KCNH1: variants seen among roughly 807,000 people sequenced by gnomAD.
KCNH1 encodes the protein voltage-gated delayed rectifier potassium channel KCNH1.
In KCNH1, 27 loss-of-function variants were observed where a neutral mutation model predicts 69.2. The ratio of observed to expected loss-of-function variants is 0.39; its 90% CI spans 0.29 to 0.54. KCNH1 has a LOEUF of 0.54. Ranked by LOEUF, KCNH1 falls within the 20% of genes least tolerant of loss-of-function variation. The probability of loss-of-function intolerance (pLI) is 0.68; values close to 1 mark genes in which losing one functional copy is unlikely to be tolerated. For synonymous variants in KCNH1, 456 were observed against 487.7 expected (o/e 0.93, Z 0.86); for missense variants, 798 against 1,261.6 (o/e 0.63, Z 5.57).
At chr1:210,782,083 G>T (rs538916461) in intron 9 of KCNH1, among the ~76,000 whole-genome samples, 197 of 152,294 alleles carry the variant, frequency 1.3e-3, no homozygotes, top group African/African-American at 4.5e-3. Context: ...CCCTTGAGCA[G>T]AGTAGCTCCC....
intron 9 of KCNH1, among the ~76,000 whole-genome samples, chr1:210,789,918 T>C (rs937580982): frequency 1.3e-5 from 2 of 152,236 alleles, no homozygotes; most frequent in African/African-American, 4.8e-5. Context: ...TTTCTCTTTT[T>C]AGAGACAGGG....
intron 7 of KCNH1, among the ~76,000 whole-genome samples, chr1:210,908,286 T>G (rs1287668251): frequency 1.3e-5 from 2 of 152,224 alleles, no homozygotes; most frequent in Non-Finnish European, 2.9e-5. Flanking sequence ...GAAGCAAAGA[T>G]GGAAGGCTTA....
At chr1:210,838,772 C>T (rs557927960) in intron 7 of KCNH1, among the ~76,000 whole-genome samples, 2 of 152,140 alleles carry the variant, frequency 1.3e-5, no homozygotes, top group Non-Finnish European at 2.9e-5. Flanking sequence ...AGACACTTCT[C>T]AAAAGAAGAC....
intron 10 of KCNH1, among the ~76,000 whole-genome samples, chr1:210,769,938 G>A (rs976136493): frequency 6.6e-5 from 10 of 152,110 alleles, no homozygotes; most frequent in Non-Finnish European, 2.9e-5. Context: ...TGTATTGAGT[G>A]GTTCCTGCAG....
chr1:210,766,751 A>G (rs1191659324), intron 10 of KCNH1, among the ~76,000 whole-genome samples: 1 of 152,226 alleles, frequency 6.6e-6, no homozygotes, highest in African/African-American at 2.4e-5. Context: ...CAAAGTTTGC[A>G]GAGAGATAAA....
At chr1:210,686,492 G>A (rs1681411446) in intron 10 of KCNH1, among the ~76,000 whole-genome samples, 1 of 152,118 alleles carries the variant, frequency 6.6e-6, no homozygotes, top group South Asian at 2.1e-4. Flanking sequence ...GTAGTAGGGA[G>A]GCCAACTTTC....
chr1:210,944,591 G>A (rs1687925124), intron 6 of KCNH1, among the ~76,000 whole-genome samples: 1 of 152,182 alleles, frequency 6.6e-6, no homozygotes, highest in Non-Finnish European at 1.5e-5. Flanking sequence ...TTACAGATAA[G>A]GAACCAGAAG....
chr1:211,089,662 T>A (rs1319783545), intron 4 of KCNH1, among the ~76,000 whole-genome samples: 1 of 152,206 alleles, frequency 6.6e-6, no homozygotes, highest in Admixed American at 6.5e-5. Flanking sequence ...TCCCCTGGAC[T>A]CCACTCTCAT....
At chr1:210,709,855 G>T (rs147629422) in intron 10 of KCNH1, among the ~76,000 whole-genome samples, 1 of 152,144 alleles carries the variant, frequency 6.6e-6, no homozygotes. Context: ...GATACTATTC[G>T]TCTGTACCGT....
rs188350802 is a variant in KCNH1, at chr1:211,055,588, C to T, written c.558+27192G>A. Among the ~76,000 whole-genome samples the T allele has an allele frequency of 2.3e-3, 348 of 152,238 alleles. 3 individuals are homozygous for T. The highest frequency in any genetic ancestry group is 3.6e-3 in the Admixed American group (55 of 15,290). On this transcript the variant is annotated intron_variant, in intron 5 of 10. Transcript: ENST00000271751. ...CCAGTAAGATACCAGCTGGGATGGC[C>T]AAGGAAGTGCTTGAGTCACTCCTCC...
intron 6 of KCNH1, among the ~76,000 whole-genome samples, chr1:210,983,543 C>G (rs56044218): frequency 0.018 from 2,744 of 152,282 alleles, 84 homozygotes; most frequent in African/African-American, 0.063. Context: ...TTCCCCATTT[C>G]TTCTTTTTTG....
intron 10 of KCNH1, among the ~76,000 whole-genome samples, chr1:210,697,445 T>C (rs1220803349): frequency 6.6e-6 from 1 of 151,294 alleles, no homozygotes; most frequent in Non-Finnish European, 1.5e-5. Flanking sequence ...GAGTTCAACT[T>C]TTCCCTCAGG....
chr1:211,103,644 C>A, intron 2 of KCNH1, 42 bp from the exon 3 acceptor site: 1 of 1,243,822 alleles, frequency 8.0e-7, no homozygotes. Context: ...AAGAAGTATT[C>A]ATTATTCTAC....
chr1:210,863,977 GC>G (rs1686044713), intron 7 of KCNH1, among the ~76,000 whole-genome samples: 1 of 19,342 alleles, frequency 5.2e-5, no homozygotes, highest in Non-Finnish European at 1.1e-4. Context: ...TAGGAAACCT[GC>G]TGCTAACTAG....
At chr1:211,029,297 C>T (rs1689739550) in intron 5 of KCNH1, among the ~76,000 whole-genome samples, 1 of 128,466 alleles carries the variant, frequency 7.8e-6, no homozygotes, top group African/African-American at 3.0e-5. Context: ...CACAGCACCA[C>T]ACTCCAGCCT....
intron 1 of KCNH1, chr1:211,132,673 T>TC (rs1691897832): frequency 6.6e-6 from 1 of 152,146 alleles, no homozygotes; most frequent in Non-Finnish European, 1.5e-5. Context: ...CAGAAGCTCA[T>TC]CATTTTACAC....
chr1:210,771,638 T>A (rs1489623359), intron 10 of KCNH1, among the ~76,000 whole-genome samples: 2 of 152,148 alleles, frequency 1.3e-5, no homozygotes, highest in Non-Finnish European at 2.9e-5. Context: ...AACAATAACA[T>A]ACAAATGAAT....
rs766675568 is a variant in KCNH1 at position 210,869,033 on chromosome 1, A to T, written c.1462+50607T>A. ...TATTTTTGAATGGTATTTTTATTGG[A>T]TATAGAATTCTAGGTTGACAGTTTG... On this transcript the variant is annotated intron_variant, in intron 7 of 10. Coordinates refer to ENST00000271751, the MANE Select transcript of KCNH1 (RefSeq NM_172362.3). 6.8e-4 allele frequency among the ~76,000 whole-genome samples: 104 copies of T among 152,206 alleles called. 2 individuals are homozygous for T. The Middle Eastern group carries it at 0.027, about 40-fold the overall frequency.
chr1:211,022,442 A>G lies in KCNH1; in HGVS notation c.559-3186T>C, dbSNP rs190105624. ...AAAGATTTTTAAGGTAAACCTCAAA[A>G]GTACAGGCAACCAAGGCAAAAATAG... On this transcript the variant is annotated intron_variant, in intron 5 of 10. Transcript: ENST00000271751. Among the ~76,000 whole-genome samples, 6 of 152,340 alleles carry G rather than the reference A, an allele frequency of 3.9e-5. No homozygotes were observed. In the East Asian group the frequency reaches 1.2e-3, roughly 29 times the overall value.
Sources: gnomAD v4.1 joint callset for allele counts (sites outside exome capture counted in the v4.1 genomes callset) on GRCh38, gnomAD v4.1.1 for gene constraint, MANE v1.5 for transcripts, NCBI Gene and HGNC (gene_info 2026-07-23, HGNC 2026-07-21) for gene names.